Variants in AGMO observed in about 807,000 individuals in gnomAD.
AGMO encodes glyceryl-ether monooxygenase.
Under a neutral mutation model 60.2 loss-of-function variants are expected in AGMO, and 75 were observed. That is an observed-to-expected ratio of 1.25 (90% CI 1.03 to 1.51). The LOEUF (loss-of-function observed/expected upper bound fraction) is 1.51. Among genes scored for constraint, AGMO ranks in the 40% most tolerant of loss-of-function variants. The pLI, the probability that AGMO is intolerant of heterozygous loss-of-function variation, is 0.00. For missense variants in AGMO, 763 were observed against 525.5 expected (o/e 1.45, Z -4.42); for synonymous variants, 261 against 177.1 (o/e 1.47, Z -3.76).
intron 12 of AGMO, among the ~76,000 whole-genome samples, chr7:15,316,999 A>C (rs1396873528): frequency 6.6e-6 from 1 of 152,222 alleles, no homozygotes; most frequent in African/African-American, 2.4e-5. Context: ...GCAAAAGGAA[A>C]TGCATCAAGC....
intron 3 of AGMO, among the ~76,000 whole-genome samples, chr7:15,536,026 G>A (rs1207481619): frequency 1.3e-5 from 2 of 151,796 alleles, no homozygotes; most frequent in East Asian, 3.8e-4. Context: ...ATAATATGCT[G>A]TGTTATTAAC....
chr7:15,119,543 C>T, the AGMO span, among the ~76,000 whole-genome samples: 1 of 152,130 alleles, frequency 6.6e-6, no homozygotes, highest in Non-Finnish European at 1.5e-5. Context: ...ACATCCTCAG[C>T]TTCCTTGCAA....
At chr7:15,430,703 T>C (rs1005584209) in intron 4 of AGMO, among the ~76,000 whole-genome samples, 1 of 151,282 alleles carries the variant, frequency 6.6e-6, no homozygotes, top group Admixed American at 6.6e-5. Context: ...AGATACCTTA[T>C]CTATACATCA....
At chr7:15,230,572 G>C (rs372148696) in intron 12 of AGMO, among the ~76,000 whole-genome samples, 1 of 152,056 alleles carries the variant, frequency 6.6e-6, no homozygotes, top group East Asian at 1.9e-4. Context: ...CCCTCTGTTG[G>C]GTCATGCTCT....
At chr7:15,289,476 A>G (rs1266636131) in intron 12 of AGMO, among the ~76,000 whole-genome samples, 1 of 152,030 alleles carries the variant, frequency 6.6e-6, no homozygotes, top group Non-Finnish European at 1.5e-5. Context: ...TACAATAATG[A>G]CTCTGGTTTA....
intron 3 of AGMO, among the ~76,000 whole-genome samples, chr7:15,495,485 C>G (rs916808272): frequency 6.6e-6 from 1 of 152,144 alleles, no homozygotes; most frequent in Non-Finnish European, 1.5e-5. Context: ...CATCACTTCT[C>G]TTTCAAATAG....
chr7:15,449,590 A>G (rs1781804163), intron 3 of AGMO, among the ~76,000 whole-genome samples: 1 of 152,194 alleles, frequency 6.6e-6, no homozygotes, highest in Admixed American at 6.5e-5. Flanking sequence ...GCAATAGGCT[A>G]TACTATATAG....
intron 12 of AGMO, among the ~76,000 whole-genome samples, chr7:15,270,511 T>C (rs887330403): frequency 3.3e-5 from 5 of 151,744 alleles, no homozygotes; most frequent in Non-Finnish European, 1.5e-5. Context: ...TCCTCACATA[T>C]TCTGGATATT....
chr7:15,185,308 A>G, the AGMO span, among the ~76,000 whole-genome samples: 1 of 152,178 alleles, frequency 6.6e-6, no homozygotes, highest in Non-Finnish European at 1.5e-5. Context: ...AGAGAATCTA[A>G]GGTACTTGTT....
chr7:15,328,405 T>G (rs868439383), intron 12 of AGMO, among the ~76,000 whole-genome samples: 1 of 152,280 alleles, frequency 6.6e-6, no homozygotes, highest in Middle Eastern at 3.4e-3. Flanking sequence ...CCTGATTTCT[T>G]AAACAATGAA....
At chr7:15,272,395 T>C (rs534773092) in intron 12 of AGMO, among the ~76,000 whole-genome samples, 7 of 151,332 alleles carry the variant, frequency 4.6e-5, no homozygotes, top group African/African-American at 1.7e-4. Context: ...TTTTTTGTTC[T>C]TGGGATAGTT....
chr7:15,232,436 A>AGAAAGG (rs776202981), intron 12 of AGMO, among the ~76,000 whole-genome samples: 5 of 152,096 alleles, frequency 3.3e-5, no homozygotes, highest in African/African-American at 4.8e-5. Context: ...TTCTTAGTAA[A>AGAAAGG]CCAAACTGCC....
intron 12 of AGMO, among the ~76,000 whole-genome samples, chr7:15,229,469 T>C (rs1331423979): frequency 1.4e-5 from 2 of 145,280 alleles, no homozygotes; most frequent in Non-Finnish European, 3.0e-5. Context: ...CTACTTCAAC[T>C]AGAAACTTCT....
chr7:15,339,132 G>A (rs1371422743), intron 12 of AGMO, among the ~76,000 whole-genome samples: 2 of 152,112 alleles, frequency 1.3e-5, no homozygotes, highest in Non-Finnish European at 1.5e-5. Flanking sequence ...TCAACTACCA[G>A]ACTAACCATG....
chr7:15,276,683 T>A (rs1783800076), intron 12 of AGMO, among the ~76,000 whole-genome samples: 1 of 152,142 alleles, frequency 6.6e-6, no homozygotes, highest in African/African-American at 2.4e-5. Context: ...TAAGACATAG[T>A]TTTAGTGACT....
intron 12 of AGMO, among the ~76,000 whole-genome samples, chr7:15,211,351 C>T (rs1341308801): frequency 3.3e-5 from 5 of 151,858 alleles, no homozygotes; most frequent in African/African-American, 1.2e-4. Flanking sequence ...GATTTTGGAA[C>T]ATGAGAGATT....
At chr7:15,497,669 T>C (rs773058101) in intron 3 of AGMO, among the ~76,000 whole-genome samples, 1 of 152,054 alleles carries the variant, frequency 6.6e-6, no homozygotes, top group Non-Finnish European at 1.5e-5. Flanking sequence ...AGAACACAAT[T>C]AATTGATTCA....
chr7:15,494,722 T>C (rs1783176557), intron 3 of AGMO, among the ~76,000 whole-genome samples: 1 of 152,208 alleles, frequency 6.6e-6, no homozygotes, highest in Admixed American at 6.5e-5. Context: ...TCCTCTTAAG[T>C]ATAACAGAAA....
At chr7:15,436,072 A>G (rs568647108) in intron 3 of AGMO, among the ~76,000 whole-genome samples, 4 of 152,276 alleles carry the variant, frequency 2.6e-5, no homozygotes, top group Non-Finnish European at 4.4e-5. Context: ...AAAACTCCCT[A>G]GTTATAAAGG....
Sources: allele counts gnomAD v4.1 joint callset (sites outside exome capture counted in the v4.1 genomes callset), GRCh38; gene constraint gnomAD v4.1.1; transcripts MANE v1.5; gene names NCBI Gene and HGNC (gene_info 2026-07-23, HGNC 2026-07-21).